The following CSMD1 variants were observed in gnomAD, a reference collection of about 807,000 sequenced individuals.
CSMD1 encodes the protein CUB and Sushi multiple domains 1.
CSMD1 carries 213 observed loss-of-function variants against 417.5 expected under a neutral mutation model. That is an observed-to-expected ratio of 0.51 (90% CI 0.46 to 0.57). The LOEUF (loss-of-function observed/expected upper bound fraction) is 0.57. Ranked by LOEUF, CSMD1 falls within the 20% of genes least tolerant of loss-of-function variation. CSMD1 has a pLI of 0.00. For synonymous variants in CSMD1, 2,862 were observed against 1,736.8 expected (o/e 1.65, Z -16.11); for missense variants, 6,923 against 4,529.7 (o/e 1.53, Z -15.17).
intron 7 of CSMD1, among the ~76,000 whole-genome samples, chr8:3,640,535 A>C (rs1417307201): frequency 6.6e-6 from 1 of 152,242 alleles, no homozygotes; most frequent in African/African-American, 2.4e-5. Flanking sequence ...ATGTGGAAGC[A>C]TAAACTCATT....
At chr8:4,300,479 TAC>T (rs1298218120) in intron 3 of CSMD1, among the ~76,000 whole-genome samples, 2 of 152,228 alleles carry the variant, frequency 1.3e-5, no homozygotes, top group Admixed American at 6.5e-5. Flanking sequence ...ACTACATAAA[TAC>T]AGTCTTCTTA....
intron 10 of CSMD1, among the ~76,000 whole-genome samples, chr8:3,533,922 T>TC (rs1359673721): frequency 1.3e-5 from 2 of 152,308 alleles, no homozygotes; most frequent in South Asian, 4.1e-4. Context: ...ATCCCTTTGG[T>TC]CCACCAATCA....
At chr8:4,370,091 T>C (rs1224641415) in intron 3 of CSMD1, among the ~76,000 whole-genome samples, 1 of 151,834 alleles carries the variant, frequency 6.6e-6, no homozygotes, top group African/African-American at 2.4e-5. Context: ...CATTCTTTCA[T>C]TTCCATATTT....
intron 2 of CSMD1, among the ~76,000 whole-genome samples, chr8:4,633,403 C>T (rs868160902): frequency 7.3e-5 from 11 of 151,388 alleles, no homozygotes; most frequent in South Asian, 2.1e-4. Flanking sequence ...CCCACCACCA[C>T]GCCCAGCTAA....
At chr8:3,480,855 C>A (rs1229412777) in intron 11 of CSMD1, among the ~76,000 whole-genome samples, 2 of 151,796 alleles carry the variant, frequency 1.3e-5, no homozygotes, top group African/African-American at 4.8e-5. Flanking sequence ...TTTGTTTTTG[C>A]AAATTAAGAG....
chr8:4,325,517 C>T (rs1026067052), intron 3 of CSMD1, among the ~76,000 whole-genome samples: 2 of 152,292 alleles, frequency 1.3e-5, no homozygotes, highest in South Asian at 2.1e-4. Flanking sequence ...TTTGCATACT[C>T]ACTTTGCATG....
At chr8:3,134,975 G>A (rs776721344) in intron 41 of CSMD1, among the ~76,000 whole-genome samples, 1 of 152,106 alleles carries the variant, frequency 6.6e-6, no homozygotes, top group Non-Finnish European at 1.5e-5. Context: ...CCAGGCTGGA[G>A]TGCAGTGATG....
intron 1 of CSMD1, among the ~76,000 whole-genome samples, chr8:4,926,742 C>G (rs1307368049): frequency 6.6e-6 from 1 of 152,020 alleles, no homozygotes; most frequent in Non-Finnish European, 1.5e-5. Flanking sequence ...TATACTGTGA[C>G]TTACATTTTA....
chr8:4,574,803 A>G (rs1241727741), intron 2 of CSMD1, among the ~76,000 whole-genome samples: 1 of 152,258 alleles, frequency 6.6e-6, no homozygotes, highest in Non-Finnish European at 1.5e-5. Flanking sequence ...TTTGCCATCC[A>G]ATATCAAAAC....
intron 2 of CSMD1, among the ~76,000 whole-genome samples, chr8:4,491,103 G>A (rs1198226818): frequency 5.9e-5 from 9 of 152,118 alleles, no homozygotes; most frequent in Non-Finnish European, 8.8e-5. Flanking sequence ...TGGGTACTAG[G>A]CTTAATATGC....
chr8:3,287,992 A>T (rs6992724), intron 25 of CSMD1, among the ~76,000 whole-genome samples: 26 of 146,114 alleles, frequency 1.8e-4, no homozygotes, highest in Admixed American at 2.0e-4. Context: ...TACCTTATTT[A>T]TTGAGAGTTT....
chr8:3,038,564 T>C (rs1810855002), intron 50 of CSMD1, among the ~76,000 whole-genome samples: 2 of 152,220 alleles, frequency 1.3e-5, no homozygotes, highest in Admixed American at 6.5e-5. Flanking sequence ...TTTGTTTTTA[T>C]TTACATGTTA....
intron 39 of CSMD1, among the ~76,000 whole-genome samples, chr8:3,152,204 T>C (rs1299708348): frequency 6.6e-6 from 1 of 152,222 alleles, no homozygotes; most frequent in Non-Finnish European, 1.5e-5. Context: ...CATCTTGCCT[T>C]ATCTTGGCGA....
At chr8:4,612,836 C>T (rs1801255114) in intron 2 of CSMD1, among the ~76,000 whole-genome samples, 1 of 152,152 alleles carries the variant, frequency 6.6e-6, no homozygotes, top group Non-Finnish European at 1.5e-5. Flanking sequence ...TTAAGAGAGG[C>T]TAAACAAGAG....
At chr8:3,840,446 G>C (rs574406036) in intron 5 of CSMD1, among the ~76,000 whole-genome samples, 22 of 152,220 alleles carry the variant, frequency 1.4e-4, no homozygotes, top group South Asian at 1.2e-3. Context: ...AGTAGCAAGA[G>C]TACCTCTTGC....
chr8:4,400,624 G>T (rs1032747458), intron 3 of CSMD1, among the ~76,000 whole-genome samples: 2 of 152,236 alleles, frequency 1.3e-5, no homozygotes, highest in African/African-American at 2.4e-5. Context: ...GATCCAGACT[G>T]ACCTGCAATC....
At chr8:4,935,867 G>T (rs771264592) in intron 1 of CSMD1, among the ~76,000 whole-genome samples, 2 of 152,234 alleles carry the variant, frequency 1.3e-5, no homozygotes, top group Non-Finnish European at 2.9e-5. Context: ...CACATGAGAA[G>T]CAGAACTCAT....
chr8:4,711,523 GA>G (rs901754977), intron 1 of CSMD1, among the ~76,000 whole-genome samples: 5 of 149,182 alleles, frequency 3.4e-5, no homozygotes, highest in African/African-American at 9.9e-5. Flanking sequence ...CATCTGTCCT[GA>G]AAAAAAAAGT....
At chr8:4,773,328 C>G (rs981569475) in intron 1 of CSMD1, among the ~76,000 whole-genome samples, 1 of 152,172 alleles carries the variant, frequency 6.6e-6, no homozygotes, top group Non-Finnish European at 1.5e-5. Flanking sequence ...GTTCTGCCTT[C>G]TAAGCTCACT....
Sources: gnomAD v4.1 joint callset for allele counts (sites outside exome capture counted in the v4.1 genomes callset) on GRCh38, gnomAD v4.1.1 for gene constraint, MANE v1.5 for transcripts, NCBI Gene and HGNC (gene_info 2026-07-23, HGNC 2026-07-21) for gene names.